The following NLGN1 variants were observed in gnomAD, a reference collection of about 807,000 sequenced individuals.
The protein encoded by NLGN1 is neuroligin 1.
In NLGN1, 12 loss-of-function variants were observed where a neutral mutation model predicts 65.5. The observed-to-expected ratio is 0.18, with a 90% CI of 0.12 to 0.30. The LOEUF (loss-of-function observed/expected upper bound fraction) is 0.30. Among genes scored for constraint, NLGN1 ranks in the 10% least tolerant of loss-of-function variants. NLGN1 has a pLI of 1.00. For synonymous variants in NLGN1, 350 were observed against 359.5 expected (o/e 0.97, Z 0.30); for missense variants, 750 against 1,007.1 (o/e 0.74, Z 3.46).
intron 4 of NLGN1, among the ~76,000 whole-genome samples, chr3:173,945,586 A>G (rs377412469): frequency 1.1e-3 from 167 of 152,300 alleles, no homozygotes; most frequent in African/African-American, 3.8e-3. Context: ...AAATATGTAC[A>G]TATTTTCAAT....
intron 4 of NLGN1, among the ~76,000 whole-genome samples, chr3:174,173,042 G>A (rs1376379199): frequency 6.8e-6 from 1 of 148,068 alleles, no homozygotes; most frequent in Non-Finnish European, 1.5e-5. Flanking sequence ...TCACTTTTGG[G>A]GGTAATTCCT....
At chr3:174,291,674 G>A in the NLGN1 span, among the ~76,000 whole-genome samples, 1 of 151,254 alleles carries the variant, frequency 6.6e-6, no homozygotes, top group African/African-American at 2.4e-5. Context: ...CAAGTATGAA[G>A]GGCATGGACA....
chr3:173,965,031 T>TC (rs1170659995), intron 4 of NLGN1, among the ~76,000 whole-genome samples: 1 of 152,182 alleles, frequency 6.6e-6, no homozygotes, highest in African/African-American at 2.4e-5. Context: ...GATTTATATT[T>TC]CAGTCATTGT....
At chr3:173,567,070 A>G (rs184721161) in intron 2 of NLGN1, among the ~76,000 whole-genome samples, 1 of 152,274 alleles carries the variant, frequency 6.6e-6, no homozygotes, top group East Asian at 1.9e-4. Context: ...ATTAAAAAAG[A>G]ATAGTGCCTA....
chr3:173,451,891 T>C (rs247980), intron 2 of NLGN1, among the ~76,000 whole-genome samples: 11,830 of 152,286 alleles, frequency 0.078, 567 homozygotes, highest in Admixed American at 0.12. Flanking sequence ...GTGTGCCGTT[T>C]GTTAAGCCCA....
chr3:173,672,538 T>C (rs1383567671), intron 3 of NLGN1, among the ~76,000 whole-genome samples: 2 of 152,220 alleles, frequency 1.3e-5, no homozygotes, highest in Non-Finnish European at 2.9e-5. Context: ...AGAGCTTTTG[T>C]GTCTTATCAG....
chr3:173,928,783 T>G (rs1408251934), intron 4 of NLGN1, among the ~76,000 whole-genome samples: 1 of 151,674 alleles, frequency 6.6e-6, no homozygotes, highest in Admixed American at 6.6e-5. Context: ...GAGATTCTCC[T>G]GCCTCAGCCT....
At chr3:174,140,645 G>A (rs770393690) in intron 4 of NLGN1, among the ~76,000 whole-genome samples, 14 of 152,120 alleles carry the variant, frequency 9.2e-5, no homozygotes, top group African/African-American at 3.1e-4. Flanking sequence ...ATTACTCCAC[G>A]TTACTATATG....
chr3:174,137,092 G>A (rs537376587), intron 4 of NLGN1, among the ~76,000 whole-genome samples: 10 of 152,098 alleles, frequency 6.6e-5, no homozygotes, highest in South Asian at 4.1e-4. Context: ...ATTGACTACC[G>A]TGCTGAAAGT....
chr3:173,938,702 T>G (rs1745465134), intron 4 of NLGN1, among the ~76,000 whole-genome samples: 1 of 152,174 alleles, frequency 6.6e-6, no homozygotes, highest in Admixed American at 6.5e-5. Context: ...ACAAGAGGAC[T>G]AGAACAAACA....
chr3:173,979,358 T>C (rs1046248613), intron 4 of NLGN1, among the ~76,000 whole-genome samples: 4 of 152,042 alleles, frequency 2.6e-5, no homozygotes, highest in Admixed American at 6.6e-5. Context: ...TAGGGAAATA[T>C]TAAAGATACA....
At chr3:173,793,430 G>A (rs1713248194) in intron 3 of NLGN1, among the ~76,000 whole-genome samples, 2 of 152,066 alleles carry the variant, frequency 1.3e-5, no homozygotes, top group South Asian at 2.1e-4. Flanking sequence ...TATGCTGGAG[G>A]GAAAATGGGC....
chr3:173,399,815 G>A (rs1717318724), intron 1 of NLGN1: 1 of 152,146 alleles, frequency 6.6e-6, no homozygotes, highest in South Asian at 2.1e-4. Context: ...TTATAAATCT[G>A]AGATCTGAGT....
At chr3:173,796,606 G>A (rs1388296994) in intron 3 of NLGN1, among the ~76,000 whole-genome samples, 1 of 152,042 alleles carries the variant, frequency 6.6e-6, no homozygotes, top group African/African-American at 2.4e-5. Context: ...ACTCTAATGA[G>A]AGTTATGTGT....
chr3:173,962,159 T>G (rs1200565944), intron 4 of NLGN1, among the ~76,000 whole-genome samples: 1 of 152,088 alleles, frequency 6.6e-6, no homozygotes, highest in Non-Finnish European at 1.5e-5. Context: ...TTGAAATATA[T>G]ATATTTTTAG....
intron 4 of NLGN1, among the ~76,000 whole-genome samples, chr3:173,950,038 T>C (rs145662944): frequency 1.3e-5 from 2 of 152,188 alleles, no homozygotes; most frequent in Non-Finnish European, 2.9e-5. Context: ...GACCACACGA[T>C]CACTTTATAA....
chr3:173,990,314 T>C (rs918902060), intron 4 of NLGN1, among the ~76,000 whole-genome samples: 2 of 152,192 alleles, frequency 1.3e-5, no homozygotes, highest in African/African-American at 2.4e-5. Context: ...CAAAAAGTTC[T>C]CTACAAATTC....
chr3:173,468,577 A>G (rs553989104), intron 2 of NLGN1, among the ~76,000 whole-genome samples: 1 of 152,200 alleles, frequency 6.6e-6, no homozygotes, highest in African/African-American at 2.4e-5. Flanking sequence ...CCTAAAAAAG[A>G]AAAAAACTGG....
chr3:173,466,569 A>G (rs1002344226), intron 2 of NLGN1, among the ~76,000 whole-genome samples: 4 of 152,140 alleles, frequency 2.6e-5, no homozygotes, highest in African/African-American at 9.7e-5. Flanking sequence ...ACATGCTTCT[A>G]CCTTCGTTTT....
Sources: gnomAD v4.1 joint callset for allele counts (sites outside exome capture counted in the v4.1 genomes callset) on GRCh38, gnomAD v4.1.1 for gene constraint, MANE v1.5 for transcripts, NCBI Gene and HGNC (gene_info 2026-07-23, HGNC 2026-07-21) for gene names.